TIPIN: variants seen among roughly 807,000 people sequenced by gnomAD.
TIPIN encodes TIMELESS interacting protein.
Under a neutral mutation model 35.6 loss-of-function variants are expected in TIPIN, and 29 were observed. The observed-to-expected ratio is 0.82, with a 90% CI of 0.61 to 1.11. The LOEUF is 1.11. Among genes scored for constraint, TIPIN ranks in the 50% most tolerant of loss-of-function variants. The pLI, the probability that TIPIN is intolerant of heterozygous loss-of-function variation, is 0.00. For missense variants in TIPIN, 296 were observed against 345.4 expected (o/e 0.86, Z 1.13); for synonymous variants, 102 against 121.5 (o/e 0.84, Z 1.06).
chr15:66,345,031 A>C lies in TIPIN; in HGVS notation c.476-3675T>G, dbSNP rs764541707. On this transcript the variant is annotated intron_variant, in intron 6 of 7. Coordinates refer to ENST00000261881, the MANE Select transcript of TIPIN (RefSeq NM_017858.3). ...CATTGTAGTAAAGACAAACTAAAAC[A>C]TAAGTAAACTATATAAAAATTAAAG... 2.6e-5 allele frequency among the ~76,000 whole-genome samples: 4 copies of C among 152,206 alleles called. No homozygotes were observed. The East Asian group carries it at 5.8e-4, about 22-fold the overall frequency.
chr15:66,372,233 C>G (rs921392286), intron 1 of TIPIN, among the ~76,000 whole-genome samples: 1 of 152,224 alleles, frequency 6.6e-6, no homozygotes, highest in African/African-American at 2.4e-5. Context: ...TCACCTTCCT[C>G]ACTCTCTTCC....
At chr15:66,380,680 T>G (rs1401438061) in intron 1 of TIPIN, among the ~76,000 whole-genome samples, 1 of 152,080 alleles carries the variant, frequency 6.6e-6, no homozygotes, top group Admixed American at 6.6e-5. Context: ...CTGGGCGTGG[T>G]GGCGGGTGCC....
intron 1 of TIPIN, among the ~76,000 whole-genome samples, chr15:66,353,348 T>TG (rs2093181270): frequency 6.6e-6 from 1 of 151,272 alleles, no homozygotes. Flanking sequence ...CTGGGCGCGG[T>TG]GGCTCACGCC....
intron 6 of TIPIN, among the ~76,000 whole-genome samples, chr15:66,342,723 AAAAAG>A (rs966003416): frequency 2.0e-5 from 3 of 152,226 alleles, no homozygotes; most frequent in Admixed American, 6.6e-5. Context: ...AGACAAATGA[AAAAAG>A]AAAAGAAATT....
intron 4 of TIPIN, among the ~76,000 whole-genome samples, chr15:66,350,686 T>C (rs1170206920): frequency 1.3e-5 from 2 of 148,440 alleles, no homozygotes; most frequent in Non-Finnish European, 3.0e-5. Flanking sequence ...TCCCAGCACT[T>C]TGGGAGGCCA....
chr15:66,358,446 T>TC (rs1259006619), upstream of TIPIN, among the ~76,000 whole-genome samples: 1 of 151,816 alleles, frequency 6.6e-6, no homozygotes. Flanking sequence ...TTTTTTTTTT[T>TC]CTTCTTTGAG....
In TIPIN at chr15:66,341,292, G is replaced by A; in HGVS notation, c.540C>T (p.Asn180=). The A allele has an allele frequency of 1.2e-6, 2 of 1,613,930 alleles. No homozygotes were observed. The highest frequency in any genetic ancestry group is 1.7e-6 in the Non-Finnish European group (2 of 1,180,012). Residue 180 remains asparagine (N), a synonymous_variant, in exon 7 of 8, where the codon AAC becomes AAT. Transcript: ENST00000261881. ...AAGCAAACATCTCACTTTCAGATAA[G>A]TTTGTCAGAAAGGGATCTAATTCAG... ...TSTELDPFLT[N]LSESEMFASE...
upstream of TIPIN, among the ~76,000 whole-genome samples, chr15:66,357,202 G>A (rs941311853): frequency 1.3e-5 from 2 of 152,128 alleles, no homozygotes; most frequent in Non-Finnish European, 2.9e-5. Context: ...TGGGATTACA[G>A]GCGTGAGCCA....
At chr15:66,358,588 A>C (rs1595806271), upstream of TIPIN, among the ~76,000 whole-genome samples, 2 of 151,826 alleles carry the variant, frequency 1.3e-5, no homozygotes, top group African/African-American at 4.8e-5. Flanking sequence ...TAATTTTTTA[A>C]ATTTTTTGTA....
At chr15:66,345,202 T>G (rs1253078664) in intron 6 of TIPIN, among the ~76,000 whole-genome samples, 1 of 151,888 alleles carries the variant, frequency 6.6e-6, no homozygotes, top group Non-Finnish European at 1.5e-5. Flanking sequence ...CATGCGGACT[T>G]GAGGGGTACA....
chr15:66,367,256 C>CTATCTA (rs1484065621), intron 1 of TIPIN, among the ~76,000 whole-genome samples: 14 of 134,464 alleles, frequency 1.0e-4, no homozygotes, highest in South Asian at 4.4e-4. Flanking sequence ...ATCTATATAT[C>CTATCTA]TATATCTATA....
At chr15:66,362,234 C>A (rs1249304185) in intron 1 of TIPIN, among the ~76,000 whole-genome samples, 1 of 147,896 alleles carries the variant, frequency 6.8e-6, no homozygotes, top group African/African-American at 2.5e-5. Flanking sequence ...ACCCAGGAGG[C>A]AGAAGTTGCA....
At chr15:66,379,542 C>T (rs2093310259) in intron 1 of TIPIN, 7 of 1,609,904 alleles carry the variant, frequency 4.3e-6, no homozygotes, top group South Asian at 1.1e-5. Flanking sequence ...CATCCGCACC[C>T]TGCGGATGTA....
At chr15:66,383,653 C>T in intron 1 of TIPIN, 1 of 878,690 alleles carries the variant, frequency 1.1e-6, no homozygotes. Flanking sequence ...CTTCTACACA[C>T]ACATGCATAC....
intron 4 of TIPIN, 68 bp from the exon 5 acceptor site, chr15:66,349,505 C>A: frequency 6.4e-7 from 1 of 1,554,244 alleles, no homozygotes; most frequent in South Asian, 1.2e-5. Context: ...CAGCAACTTT[C>A]AGAACTGAAA....
At chr15:66,349,195 C>T (rs2093150227) in intron 5 of TIPIN, 72 bp from the exon 6 acceptor site, 11 of 1,597,454 alleles carry the variant, frequency 6.9e-6, no homozygotes, top group Non-Finnish European at 9.4e-6. Context: ...TTTGCTATTA[C>T]TTTTCCCTCT....
chr15:66,343,365 AT>A (rs1248429901), intron 6 of TIPIN, among the ~76,000 whole-genome samples: 3 of 152,230 alleles, frequency 2.0e-5, no homozygotes, highest in Admixed American at 2.0e-4. Flanking sequence ...ACCATTTGAA[AT>A]ATTTATATAC....
intron 4 of TIPIN, among the ~76,000 whole-genome samples, chr15:66,349,819 G>A (rs534904068): frequency 1.1e-3 from 171 of 152,198 alleles, no homozygotes; most frequent in Middle Eastern, 0.01. Flanking sequence ...GGCAGAGGTT[G>A]CAGTGAGCCA....
Position 66,372,566 on chromosome 15 carries a change from G to A in TIPIN, c.-9+14041C>T, listed in dbSNP as rs1013628728. ...ATATAGCCACACATCACATAAAAAC[G>A]TTTTGGTCAACCACAGCCCACATAT... On this transcript the variant is annotated intron_variant, in intron 1 of 7. Coordinates refer to the TIPIN transcript ENST00000562124. Among the ~76,000 whole-genome samples, 7 of 152,176 alleles carry A rather than the reference G, an allele frequency of 4.6e-5. No homozygotes were observed. The South Asian group carries it at 6.2e-4, about 13-fold the overall frequency.
Sources: gnomAD v4.1 joint callset for allele counts (sites outside exome capture counted in the v4.1 genomes callset) on GRCh38, gnomAD v4.1.1 for gene constraint, MANE v1.5 for transcripts, NCBI Gene and HGNC (gene_info 2026-07-23, HGNC 2026-07-21) for gene names.